Variants in ALLC observed in about 807,000 individuals in gnomAD.
ALLC encodes the protein probable inactive allantoicase.
Under a neutral mutation model 45.0 loss-of-function variants are expected in ALLC, and 40 were observed. That is an observed-to-expected ratio of 0.89 (90% CI 0.69 to 1.16). The LOEUF is 1.16. Ranked by LOEUF, ALLC falls within the 50% of genes most tolerant of loss-of-function variation. The pLI is 0.00. For synonymous variants in ALLC, 176 were observed against 178.1 expected, an observed-to-expected ratio of 0.99 and a Z score of 0.09; for missense variants, 488 against 493.1, an observed-to-expected ratio of 0.99 and a Z score of 0.10.
chr2:3,693,873 G>A (rs889101534), intron 7 of ALLC, among the ~76,000 whole-genome samples: 7 of 152,034 alleles, frequency 4.6e-5, no homozygotes, highest in Non-Finnish European at 8.8e-5. Flanking sequence ...CTGTAATCCC[G>A]GCTAGTTGGG....
intron 8 of ALLC, 127 bp downstream of exon 8, chr2:3,695,999 C>A (rs1262238962): frequency 9.5e-7 from 1 of 1,056,640 alleles, no homozygotes; most frequent in East Asian, 2.6e-5. Context: ...TGAGATTAAT[C>A]TTCCATGTGT....
At chr2:3,672,384 C>CGAGGTCCTCTGGCTCTAGTTAGACCT (rs1249970391) in intron 2 of ALLC, among the ~76,000 whole-genome samples, 3 of 90,512 alleles carry the variant, frequency 3.3e-5, no homozygotes, top group African/African-American at 1.4e-4. Context: ...TATTTAGATC[C>CGAGGTCCTCTGGCTCTAGTTAGACCT]GAGGTCCTCT....
rs1444186842 is a variant in ALLC at position 3,701,579 on chromosome 2, C to A, written c.918C>A (p.Ile306=). The change falls in exon 11 of 12, where the codon ATC becomes ATA. Residue 306 remains isoleucine (I), a synonymous_variant. Coordinates refer to ENST00000252505, the MANE Select transcript of ALLC (RefSeq NM_018436.4). ...CAACTCAGGAAGAAGAAGCCGTGAT[C>A]AGGCAAAAGTGGATTCTCCCGGCCC... ...ILTTQEEEAV[I]RQKWILPAHK... is the part of the protein sequence containing the mutation. 1.2e-6 allele frequency: 2 copies of A among 1,608,488 alleles called. No homozygotes were observed. Among genetic ancestry groups the A allele is most frequent in the Non-Finnish European group, 1.7e-6 (2 of 1,177,470 alleles).
intron 1 of ALLC, among the ~76,000 whole-genome samples, chr2:3,662,835 C>G (rs1055776714): frequency 6.6e-6 from 1 of 152,182 alleles, no homozygotes; most frequent in Non-Finnish European, 1.5e-5. Context: ...CCTTCATTCA[C>G]TTATGTAACG....
chr2:3,679,932 T>A lies in ALLC; in HGVS notation c.236T>A (p.Val79Asp). 6.2e-7 allele frequency: 1 copy of A among 1,613,914 alleles called. No individual in the cohort carries two copies. The change falls in exon 5 of 12, where the codon GTT becomes GAT. Residue 79 changes from valine to aspartate, a missense_variant. By Grantham distance (152) the Val-to-Asp change is radical (BLOSUM62 -3). Coordinates refer to ENST00000252505, the MANE Select transcript of ALLC (RefSeq NM_018436.4). ...QGVIRGFDVDVSYFTGDYAPR... is the reference protein window; with the variant it reads ...QGVIRGFDVDDSYFTGDYAPR... ...GTCATCCGGGGCTTCGACGTGGACG[T>A]TTCTTACTTCACGGGAGATTACGCT...
At position 3,702,585 on chromosome 2, in the gene ALLC, G is replaced by A. The variant is rs919085277; in HGVS notation, c.*22G>A. On this transcript the variant is annotated 3_prime_UTR_variant, in exon 12 of 12. Transcript: ENST00000252505. ...TTAACACACACAAAGCCCCGGTGTC[G>A]GACACACAGCAGTAATTTCCCAGTC... 15 of 1,511,342 alleles carry A rather than the reference G, an allele frequency of 9.9e-6. 1 individual carries two copies. In the African/African-American group the frequency reaches 2.0e-4, roughly 20 times the overall value. The allele number at this position is 1,511,342 out of a possible 1,614,324, so 93.6% of individuals were successfully genotyped here.
At chr2:3,676,441 T>A (rs1343210010) in intron 3 of ALLC, among the ~76,000 whole-genome samples, 1 of 152,112 alleles carries the variant, frequency 6.6e-6, no homozygotes, top group African/African-American at 2.4e-5. Context: ...AGCGAATTTT[T>A]AAATTTTTTG....
intron 1 of ALLC, among the ~76,000 whole-genome samples, chr2:3,666,350 C>G (rs892989876): frequency 6.6e-6 from 1 of 152,242 alleles, no homozygotes; most frequent in African/African-American, 2.4e-5. Flanking sequence ...GCGTATCACA[C>G]AGTCGGCAAG....
At chr2:3,668,012 G>C (rs562572785) in intron 1 of ALLC, among the ~76,000 whole-genome samples, 1 of 152,140 alleles carries the variant, frequency 6.6e-6, no homozygotes, top group African/African-American at 2.4e-5. Context: ...TGATCTGCCC[G>C]CCTCGGCCTC....
At chr2:3,666,706 G>A (rs1018041225) in intron 1 of ALLC, among the ~76,000 whole-genome samples, 2 of 152,242 alleles carry the variant, frequency 1.3e-5, no homozygotes, top group Admixed American at 6.5e-5. Context: ...GTGAAGACGC[G>A]ATTTTAATTC....
At chr2:3,686,872 T>C (rs1667345662) in intron 7 of ALLC, among the ~76,000 whole-genome samples, 1 of 151,076 alleles carries the variant, frequency 6.6e-6, no homozygotes, top group Admixed American at 6.6e-5. Context: ...TATAAGATCA[T>C]ATTGTCTATG....
intron 1 of ALLC, among the ~76,000 whole-genome samples, chr2:3,665,661 G>A (rs1666686006): frequency 6.6e-6 from 1 of 152,190 alleles, no homozygotes; most frequent in Non-Finnish European, 1.5e-5. Flanking sequence ...TTTTATGGCT[G>A]CATAGTATTC....
intron 10 of ALLC, among the ~76,000 whole-genome samples, chr2:3,697,768 C>T (rs577785652): frequency 3.5e-4 from 53 of 151,974 alleles, no homozygotes; most frequent in African/African-American, 1.2e-3. Flanking sequence ...AGGGTCCAAG[C>T]GATTCTCCTG....
chr2:3,671,033 T>C, intron 1 of ALLC, 63 bp from the exon 2 acceptor site: 1 of 929,038 alleles, frequency 1.1e-6, no homozygotes. Context: ...GTCAGGAGCC[T>C]AGACGGGGCC....
chr2:3,670,307 TAGTG>T (rs768044439), intron 1 of ALLC, among the ~76,000 whole-genome samples: 1 of 152,226 alleles, frequency 6.6e-6, no homozygotes, highest in Non-Finnish European at 1.5e-5. Flanking sequence ...ACATAATTCT[TAGTG>T]AGGTGTTTTT....
intron 7 of ALLC, among the ~76,000 whole-genome samples, chr2:3,690,470 CCTTTT>C (rs1423768818): frequency 9.0e-6 from 1 of 110,766 alleles, no homozygotes; most frequent in South Asian, 4.0e-4. Context: ...CCTTTCCTTT[CCTTTT>C]CTTTCTTTCT....
chr2:3,701,477 C>A, intron 10 of ALLC, 35 bp from the exon 11 acceptor site: 2 of 1,547,986 alleles, frequency 1.3e-6, no homozygotes, highest in South Asian at 1.2e-5. Flanking sequence ...AGTGCAAATG[C>A]GGGCAGAAAA....
At chr2:3,662,748 A>G (rs763282923) in intron 1 of ALLC, among the ~76,000 whole-genome samples, 22 of 152,220 alleles carry the variant, frequency 1.4e-4, no homozygotes, top group Non-Finnish European at 2.5e-4. Flanking sequence ...TCGAAAGAGA[A>G]TAGTTCTTGA....
intron 3 of ALLC, among the ~76,000 whole-genome samples, chr2:3,675,356 C>T (rs112120870): frequency 1.6e-4 from 24 of 149,900 alleles, no homozygotes; most frequent in African/African-American, 5.9e-4. Context: ...TGCCACTGCA[C>T]TCCAGCCTGG....
Sources: gnomAD v4.1 joint callset for allele counts (sites outside exome capture counted in the v4.1 genomes callset) on GRCh38, gnomAD v4.1.1 for gene constraint, MANE v1.5 for transcripts, NCBI Gene and HGNC (gene_info 2026-07-23, HGNC 2026-07-21) for gene names.